The following DYNC2H1 variants were observed in gnomAD, a reference collection of about 807,000 sequenced individuals.
DYNC2H1 encodes dynein cytoplasmic 2 heavy chain 1, also known as cytoplasmic dynein 2 heavy chain 1.
DYNC2H1 carries 410 observed loss-of-function variants against 570.0 expected under a neutral mutation model. That is an observed-to-expected ratio of 0.72 (90% CI 0.66 to 0.78). The LOEUF is 0.78. Among genes scored for constraint, DYNC2H1 ranks in the 30% least tolerant of loss-of-function variants. The pLI is 0.00. For synonymous variants in DYNC2H1, 1,688 were observed against 1,677.6 expected, an observed-to-expected ratio of 1.01 and a Z score of -0.15; for missense variants, 4,865 against 5,046.4, an observed-to-expected ratio of 0.96 and a Z score of 1.09.
intron 79 of DYNC2H1, among the ~76,000 whole-genome samples, chr11:103,314,877 G>A (rs1937728713): frequency 6.6e-6 from 1 of 151,852 alleles, no homozygotes; most frequent in Non-Finnish European, 1.5e-5. Flanking sequence ...GATCTTCAAG[G>A]TATTAAACAT....
chr11:103,324,076 C>A lies in DYNC2H1; in HGVS notation c.12039+86C>A. 1 of 697,258 alleles carries A rather than the reference C, an allele frequency of 1.4e-6. No homozygotes were observed. The allele number at this position is 697,258 out of a possible 1,614,324, so 43.2% of individuals were successfully genotyped here. A position where few individuals can be genotyped will look rare whatever the true frequency, so the allele number is the denominator to read the frequency against. On this transcript the variant is annotated intron_variant, in intron 82 of 88. Coordinates refer to ENST00000375735, the MANE Select transcript of DYNC2H1 (RefSeq NM_001377.3). This position sits in a 1 kb window ranked among gnomAD's most constrained non-coding sequence, Gnocchi z 5.2. Reference sequence around the variant, plus strand: ...ATTAAACTTGATTTAGTACTGTAGACCCCACAAGCTTTATTTAAACATTTT... The same window carrying A: ...ATTAAACTTGATTTAGTACTGTAGAACCCACAAGCTTTATTTAAACATTTT...
chr11:103,470,418 CTCTTTT>C (rs113652063), intron 88 of DYNC2H1, among the ~76,000 whole-genome samples: 22,282 of 152,034 alleles, frequency 0.15, 1,813 homozygotes, highest in Admixed American at 0.24. Flanking sequence ...GAACTTTTTA[CTCTTTT>C]TCTTTTTATT....
intron 87 of DYNC2H1, among the ~76,000 whole-genome samples, chr11:103,466,328 A>C (rs542966267): frequency 1.3e-5 from 2 of 152,328 alleles, no homozygotes; most frequent in South Asian, 4.1e-4. Flanking sequence ...ACTGAAAGAG[A>C]AGACTTTTAG....
intron 85 of DYNC2H1, among the ~76,000 whole-genome samples, chr11:103,453,942 G>C (rs1432349998): frequency 2.0e-5 from 3 of 151,908 alleles, no homozygotes; most frequent in African/African-American, 7.2e-5. Flanking sequence ...CGCTATCATT[G>C]TAAAGGATAT....
chr11:103,162,872 A>G (rs1002917100), intron 29 of DYNC2H1, among the ~76,000 whole-genome samples, 156 bp from the exon 30 acceptor site: 1 of 152,202 alleles, frequency 6.6e-6, no homozygotes, highest in African/African-American at 2.4e-5. Flanking sequence ...CCTATAACAC[A>G]TTTTAGGAGT....
chr11:103,384,889 G>A (rs1941811075), intron 83 of DYNC2H1, among the ~76,000 whole-genome samples: 1 of 152,040 alleles, frequency 6.6e-6, no homozygotes, highest in Non-Finnish European at 1.5e-5. Flanking sequence ...GTATCTTTTG[G>A]TTGTGAACTC....
At chr11:103,447,103 T>G (rs901890236) in intron 85 of DYNC2H1, among the ~76,000 whole-genome samples, 2 of 152,106 alleles carry the variant, frequency 1.3e-5, no homozygotes, top group Non-Finnish European at 2.9e-5. Flanking sequence ...AGAATGAAAT[T>G]GTATTACCTG....
Position 103,234,172 on chromosome 11 carries a change from A to G in DYNC2H1, c.9567+12A>G, listed in dbSNP as rs1181998058. On this transcript the variant is annotated intron_variant, in intron 61 of 88. Coordinates refer to ENST00000375735, the MANE Select transcript of DYNC2H1 (RefSeq NM_001377.3). ...GATGGAATGCACAGGTTTGTTTGAG[A>G]GAGGGGCCATGAGGAGTCTACCTTT... The G allele has an allele frequency of 6.3e-7, 1 of 1,580,990 alleles. No homozygotes were observed. The highest frequency in any genetic ancestry group is 8.6e-7 in the Non-Finnish European group (1 of 1,162,002).
rs560850892 is a variant in DYNC2H1, at chr11:103,142,081, G to A, written c.2575-1187G>A. 7.9e-5 allele frequency among the ~76,000 whole-genome samples: 12 copies of A among 152,356 alleles called. 1 individual carries two copies. In the South Asian group the frequency reaches 1.9e-3, roughly 24 times the overall value. ...TTGGAAAAGTGTAGTATTAGGGTGGGATTGACCCGATTTTCCAGGTGCCGT... is the reference window on the plus strand; with the variant it reads ...TTGGAAAAGTGTAGTATTAGGGTGGAATTGACCCGATTTTCCAGGTGCCGT... On this transcript the variant is annotated intron_variant, in intron 17 of 88. Transcript: ENST00000375735.
intron 17 of DYNC2H1, among the ~76,000 whole-genome samples, chr11:103,138,741 G>T (rs1191671319): frequency 6.6e-6 from 1 of 152,174 alleles, no homozygotes; most frequent in Admixed American, 6.6e-5. Context: ...ATGAGTTAGG[G>T]AGGATTCCCT....
intron 82 of DYNC2H1, among the ~76,000 whole-genome samples, chr11:103,352,486 T>C (rs1157380580): frequency 6.6e-6 from 1 of 152,190 alleles, no homozygotes; most frequent in East Asian, 1.9e-4. Context: ...TGACCTTGAG[T>C]TATTTAGAAA....
At chr11:103,394,280 C>T (rs368102112) in intron 83 of DYNC2H1, among the ~76,000 whole-genome samples, 15 of 152,184 alleles carry the variant, frequency 9.9e-5, no homozygotes, top group Admixed American at 6.5e-4. Context: ...AAAAGGAATA[C>T]GGATCTCCGA....
At chr11:103,402,860 G>A (rs1000018749) in intron 84 of DYNC2H1, 1 of 152,062 alleles carries the variant, frequency 6.6e-6, no homozygotes, top group Non-Finnish European at 1.5e-5. Context: ...GGAATAAGTG[G>A]TATGGGTCTG....
At position 103,465,015 on chromosome 11, in the gene DYNC2H1, T is replaced by TGTTCA. The variant is rs143793132; in HGVS notation, c.12649-3571_12649-3567dup. Reference sequence around the variant, plus strand: ...ATATAATGTGTTAAAATTCATACTATGTTCAGTACTGAATACTTTAAGAAT... The same window carrying TGTTCA: ...ATATAATGTGTTAAAATTCATACTATGTTCAGTTCAGTACTGAATACTTTAAGAAT... On this transcript the variant is annotated intron_variant, in intron 87 of 88. Coordinates refer to ENST00000375735, the MANE Select transcript of DYNC2H1 (RefSeq NM_001377.3). The surrounding 1 kb of genome is among the most constrained non-coding windows in gnomAD (Gnocchi z 4.9). Among the ~76,000 whole-genome samples, 5,418 of 152,278 alleles carry TGTTCA rather than the reference T, an allele frequency of 0.036. 294 individuals carry two copies. Among genetic ancestry groups the TGTTCA allele is most frequent in the East Asian group, 0.24 (1,246 of 5,164 alleles).
intron 70 of DYNC2H1, among the ~76,000 whole-genome samples, chr11:103,273,088 A>G (rs12287990): frequency 0.076 from 11,604 of 151,736 alleles, 1,458 homozygotes; most frequent in African/African-American, 0.26. Flanking sequence ...AAAAAAAACT[A>G]TTCAGAAAGC....
intron 59 of DYNC2H1, among the ~76,000 whole-genome samples, chr11:103,226,178 G>T (rs1044096451): frequency 1.3e-5 from 2 of 152,064 alleles, no homozygotes; most frequent in Non-Finnish European, 2.9e-5. Flanking sequence ...TTTAGCTTCC[G>T]CTTTACCAAT....
At chr11:103,438,961 A>G (rs948530728) in intron 85 of DYNC2H1, among the ~76,000 whole-genome samples, 1 of 152,102 alleles carries the variant, frequency 6.6e-6, no homozygotes, top group Non-Finnish European at 1.5e-5. Flanking sequence ...CTGGGCAACA[A>G]TGAGACCTCG....
In DYNC2H1 at chr11:103,174,812, G is replaced by A. The variant is rs112412182; in HGVS notation, c.5674+642G>A. ...TCACCTGGCTATGGTAGTGTTGCCA[G>A]GTTTCTCCAATGTGAAGTTATTTTC... is the stretch of plus-strand genomic sequence containing the variant. On this transcript the variant is annotated intron_variant, in intron 36 of 88. Transcript: ENST00000375735. Among the ~76,000 whole-genome samples the A allele has an allele frequency of 4.1e-3, 621 of 151,916 alleles. 3 individuals carry two copies. Among genetic ancestry groups the A allele is most frequent in the Middle Eastern group, 0.01 (3 of 294 alleles).
chr11:103,213,700 T>A (rs1480588893), intron 54 of DYNC2H1, among the ~76,000 whole-genome samples: 1 of 152,170 alleles, frequency 6.6e-6, no homozygotes, highest in Non-Finnish European at 1.5e-5. Context: ...TTCAGTTGTT[T>A]GAATTTCTTG....
Sources: allele counts gnomAD v4.1 joint callset (sites outside exome capture counted in the v4.1 genomes callset), GRCh38; gene constraint gnomAD v4.1.1; non-coding constraint Gnocchi (gnomAD v3.1); transcripts MANE v1.5; gene names NCBI Gene and HGNC (gene_info 2026-07-23, HGNC 2026-07-21).